The following SULF1 variants were observed in gnomAD, a reference collection of about 807,000 sequenced individuals.
SULF1 encodes extracellular sulfatase Sulf-1.
SULF1 carries 46 observed loss-of-function variants against 110.5 expected under a neutral mutation model. That is an observed-to-expected ratio of 0.42 (90% CI 0.33 to 0.53). SULF1 has a LOEUF of 0.53. Among genes scored for constraint, SULF1 ranks in the 20% least tolerant of loss-of-function variants. The pLI is 0.12. For missense variants in SULF1, 941 were observed against 1,094.2 expected (o/e 0.86, Z 1.98); for synonymous variants, 371 against 387.1 (o/e 0.96, Z 0.49).
At position 69,590,914 on chromosome 8, in the gene SULF1, G is replaced by A. The variant is rs543878826; in HGVS notation, c.734+1773G>A. Among the ~76,000 whole-genome samples the A allele has an allele frequency of 6.6e-4, 100 of 152,172 alleles. 2 individuals are homozygous for A. Among genetic ancestry groups the A allele is most frequent in the Non-Finnish European group, 4.7e-4 (32 of 68,014 alleles). On this transcript the variant is annotated intron_variant, in intron 8 of 22. Coordinates refer to ENST00000402687, the MANE Select transcript of SULF1 (RefSeq NM_001128205.2). ...ATTCAATGAAAGGAAAAAGTCCTGC[G>A]GGCTTTTTCAATACCCCTGAACCCC...
In SULF1 at chr8:69,544,092, T is replaced by G. The variant is rs374513378; in HGVS notation, c.-133-19447T>G. Among the ~76,000 whole-genome samples, 19 of 152,370 alleles carry G rather than the reference T, an allele frequency of 1.2e-4. No individual in the cohort carries two copies. In the East Asian group the frequency reaches 2.5e-3, roughly 20 times the overall value. ...GGTGTTTCGATTTACACATTCATGT[T>G]TCTCTTTCTAAACTTTGCTAGTTTA... On this transcript the variant is annotated intron_variant, in intron 3 of 22. Transcript: ENST00000402687.
chr8:69,497,550 T>C (rs577539337), intron 2 of SULF1, among the ~76,000 whole-genome samples: 1 of 152,340 alleles, frequency 6.6e-6, no homozygotes, highest in Admixed American at 6.5e-5. Flanking sequence ...TACACATCTG[T>C]CTAAATGTGT....
chr8:69,527,315 AC>A (rs1237039487), intron 3 of SULF1, among the ~76,000 whole-genome samples: 1 of 152,152 alleles, frequency 6.6e-6, no homozygotes, highest in Non-Finnish European at 1.5e-5. Flanking sequence ...ACACTAGCAG[AC>A]AGATTCCTCC....
intron 3 of SULF1, among the ~76,000 whole-genome samples, chr8:69,513,658 T>C (rs1811726006): frequency 6.6e-6 from 1 of 152,316 alleles, no homozygotes; most frequent in South Asian, 2.1e-4. Context: ...GGTAATTTAA[T>C]TTGAACAAAG....
chr8:69,538,275 C>CTTTTTT (rs33972358), intron 3 of SULF1, among the ~76,000 whole-genome samples: 3,102 of 130,994 alleles, frequency 0.024, 142 homozygotes, highest in South Asian at 0.055. Context: ...TTTCTGTTGC[C>CTTTTTT]TTTTTTTTTT....
At chr8:69,523,864 A>C (rs568730517) in intron 3 of SULF1, among the ~76,000 whole-genome samples, 159 of 152,182 alleles carry the variant, frequency 1.0e-3, no homozygotes, top group Admixed American at 2.6e-3. Flanking sequence ...ACCAGTACTC[A>C]TAAGGGCTAG....
At chr8:69,518,270 A>G (rs1288026596) in intron 3 of SULF1, among the ~76,000 whole-genome samples, 2 of 151,914 alleles carry the variant, frequency 1.3e-5, no homozygotes, top group African/African-American at 4.8e-5. Context: ...AATAGTTTCC[A>G]TTTATCTCTT....
intron 3 of SULF1, among the ~76,000 whole-genome samples, chr8:69,514,704 T>C (rs1811803655): frequency 6.6e-6 from 1 of 152,072 alleles, no homozygotes; most frequent in African/African-American, 2.4e-5. Context: ...TCCTGTAAAA[T>C]CAAAAACAAG....
intron 3 of SULF1, among the ~76,000 whole-genome samples, chr8:69,511,242 T>G (rs191222724): frequency 6.6e-6 from 1 of 152,362 alleles, no homozygotes; most frequent in Non-Finnish European, 1.5e-5. Context: ...AAAACCTTTT[T>G]TAAACCAGTT....
intron 22 of SULF1, among the ~76,000 whole-genome samples, chr8:69,648,696 A>G (rs1432333924): frequency 6.6e-6 from 1 of 152,254 alleles, no homozygotes; most frequent in Non-Finnish European, 1.5e-5. Context: ...CAGAAGCTGC[A>G]GAAGTCAGCC....
intron 3 of SULF1, among the ~76,000 whole-genome samples, chr8:69,521,813 T>C (rs142404834): frequency 2.0e-5 from 3 of 151,330 alleles, no homozygotes; most frequent in Non-Finnish European, 4.4e-5. Context: ...ATCTATCATG[T>C]TGTGGGTAGA....
At chr8:69,646,823 A>G (rs994168111) in intron 22 of SULF1, among the ~76,000 whole-genome samples, 11 of 152,104 alleles carry the variant, frequency 7.2e-5, no homozygotes, top group Admixed American at 2.0e-4. Context: ...AATAATACAC[A>G]AGGATTTCAT....
chr8:69,604,733 A>G (rs76379305), intron 12 of SULF1, 70 bp from the exon 13 acceptor site: 227,856 of 1,375,726 alleles, frequency 0.17, 16,175 homozygotes, highest in Middle Eastern at 0.26. Context: ...AAAAAAAAAA[A>G]GGGGGCAGGA....
At chr8:69,575,856 A>T in intron 5 of SULF1, 114 bp from the exon 6 acceptor site, 2 of 1,282,006 alleles carry the variant, frequency 1.6e-6, no homozygotes, top group Non-Finnish European at 2.1e-6. Flanking sequence ...AGACTCCTTT[A>T]AGCTAAGGAA....
At chr8:69,558,080 G>A (rs1363340772) in intron 3 of SULF1, among the ~76,000 whole-genome samples, 2 of 152,142 alleles carry the variant, frequency 1.3e-5, no homozygotes, top group Admixed American at 1.3e-4. Context: ...CTTTTTCGTG[G>A]ATTCATGTAT....
intron 22 of SULF1, among the ~76,000 whole-genome samples, chr8:69,657,459 C>T (rs1163957653): frequency 6.6e-6 from 1 of 152,226 alleles, no homozygotes; most frequent in Non-Finnish European, 1.5e-5. Context: ...GGAATCTTTA[C>T]AGTATTTTAT....
chr8:69,611,494 A>G (rs961013786), intron 13 of SULF1, among the ~76,000 whole-genome samples: 2 of 152,216 alleles, frequency 1.3e-5, no homozygotes, highest in African/African-American at 4.8e-5. Context: ...CTCCTGGCAC[A>G]AGTAACACTA....
intron 1 of SULF1, among the ~76,000 whole-genome samples, chr8:69,478,734 C>T (rs1666459401): frequency 1.3e-5 from 2 of 152,094 alleles, no homozygotes; most frequent in African/African-American, 4.8e-5. Flanking sequence ...TACAATTTTG[C>T]ATTTATTCTT....
At chr8:69,601,907 A>G (rs1807847691) in intron 10 of SULF1, 78 bp downstream of exon 10, 3 of 1,412,578 alleles carry the variant, frequency 2.1e-6, no homozygotes, top group South Asian at 1.5e-5. Context: ...CAGTCTCAGT[A>G]TCTGGTTTCC....
Sources: allele counts gnomAD v4.1 joint callset (sites outside exome capture counted in the v4.1 genomes callset), GRCh38; gene constraint gnomAD v4.1.1; transcripts MANE v1.5; gene names NCBI Gene and HGNC (gene_info 2026-07-23, HGNC 2026-07-21).